Variants in MAGI1 observed in about 807,000 individuals in gnomAD.
MAGI1 encodes the protein membrane-associated guanylate kinase, WW and PDZ domain-containing protein 1.
MAGI1 carries 58 observed loss-of-function variants against 139.9 expected under a neutral mutation model. That is an observed-to-expected ratio of 0.41 (90% confidence interval 0.34 to 0.52). MAGI1 has a LOEUF of 0.52. Ranked by LOEUF, MAGI1 falls within the 20% of genes least tolerant of loss-of-function variation. MAGI1 has a pLI of 0.12. For synonymous variants in MAGI1, 812 were observed against 737.9 expected (o/e 1.10, Z -1.63); for missense variants, 1,874 against 1,901.6 (o/e 0.99, Z 0.27).
At chr3:66,020,957 AG>A (rs372667183) in intron 1 of MAGI1, among the ~76,000 whole-genome samples, 49 of 152,310 alleles carry the variant, frequency 3.2e-4, no homozygotes, top group Middle Eastern at 6.8e-3. Flanking sequence ...CCGATTAAAA[AG>A]AAAAAGGCCA....
At chr3:65,372,303 T>G (rs943505664) in intron 18 of MAGI1, among the ~76,000 whole-genome samples, 2 of 152,204 alleles carry the variant, frequency 1.3e-5, no homozygotes, top group African/African-American at 4.8e-5. Context: ...CCAGGTGTAT[T>G]GTCCATGAGC....
chr3:65,572,298 G>T (rs2080995650), intron 2 of MAGI1, among the ~76,000 whole-genome samples: 1 of 152,194 alleles, frequency 6.6e-6, no homozygotes, highest in Non-Finnish European at 1.5e-5. Context: ...AAGGTCAAAT[G>T]ACCTTAAATG....
intron 1 of MAGI1, among the ~76,000 whole-genome samples, chr3:65,785,943 T>G (rs2039343035): frequency 6.6e-6 from 1 of 151,958 alleles, no homozygotes; most frequent in African/African-American, 2.4e-5. Context: ...TAACTTTTTT[T>G]TTTTTTTTCT....
chr3:65,771,452 A>T (rs1381080791), intron 1 of MAGI1, among the ~76,000 whole-genome samples: 1 of 152,200 alleles, frequency 6.6e-6, no homozygotes, highest in African/African-American at 2.4e-5. Context: ...CTCTTTACAG[A>T]ACACAGGGAA....
At chr3:65,670,924 T>C (rs1374741160) in intron 1 of MAGI1, among the ~76,000 whole-genome samples, 1 of 152,232 alleles carries the variant, frequency 6.6e-6, no homozygotes, top group Non-Finnish European at 1.5e-5. Context: ...AAGTGCTTTA[T>C]GTAACTTTCT....
In MAGI1 at chr3:65,361,953, G is replaced by A. The variant is rs1003971249; in HGVS notation, c.3496-616C>T. On this transcript the variant is annotated intron_variant, in intron 21 of 22. Transcript: ENST00000402939. ...TTCAGATGAGACCATAATCCTGACT[G>A]ATGTATTGAATGCAGCATTCACTTT... 2.0e-5 allele frequency among the ~76,000 whole-genome samples: 3 copies of A among 152,294 alleles called. No homozygotes were observed. The East Asian group carries it at 5.8e-4, about 29-fold the overall frequency.
intron 1 of MAGI1, among the ~76,000 whole-genome samples, chr3:65,636,183 C>G (rs1020373744): frequency 1.3e-5 from 2 of 152,170 alleles, no homozygotes; most frequent in East Asian, 1.9e-4. Context: ...GTGTACAAAA[C>G]AAGTTCTAGA....
chr3:66,035,691 T>C (rs2068876520), intron 1 of MAGI1, among the ~76,000 whole-genome samples: 1 of 152,088 alleles, frequency 6.6e-6, no homozygotes, highest in African/African-American at 2.4e-5. Flanking sequence ...CGTACATCCA[T>C]CCATACATAC....
At chr3:66,036,642 G>A (rs1039242028) in intron 1 of MAGI1, among the ~76,000 whole-genome samples, 1 of 152,120 alleles carries the variant, frequency 6.6e-6, no homozygotes, top group African/African-American at 2.4e-5. Context: ...CAGGCGAGTC[G>A]GCCGCCCCCT....
At chr3:65,760,504 G>A (rs995304384) in intron 1 of MAGI1, among the ~76,000 whole-genome samples, 2 of 151,778 alleles carry the variant, frequency 1.3e-5, no homozygotes, top group Admixed American at 1.3e-4. Flanking sequence ...CAGGAACACA[G>A]GAATATAGAA....
chr3:65,430,221 TA>T (rs1414933048), intron 11 of MAGI1, 81 bp from the exon 12 acceptor site: 15 of 1,426,506 alleles, frequency 1.1e-5, no homozygotes, highest in African/African-American at 2.8e-5. Context: ...CCCACTAACA[TA>T]AAGCTGAACT....
At chr3:65,992,779 A>T (rs2066247953) in intron 1 of MAGI1, among the ~76,000 whole-genome samples, 1 of 152,190 alleles carries the variant, frequency 6.6e-6, no homozygotes, top group African/African-American at 2.4e-5. Flanking sequence ...ACTTTATCAG[A>T]AATTCCTTTC....
At chr3:65,515,939 A>C (rs759009166) in intron 2 of MAGI1, among the ~76,000 whole-genome samples, 8 of 152,240 alleles carry the variant, frequency 5.3e-5, no homozygotes, top group Non-Finnish European at 8.8e-5. Flanking sequence ...GGCAGTACTG[A>C]CTGATGCACA....
rs374385931 is a variant in MAGI1, at chr3:65,790,830, T to C, written c.314-168742A>G. ...TGACTCATGCCTGTAATCCCAGCAC[T>C]TTGGGAGGCCAAGGCAGGCAGATCA... On this transcript the variant is annotated intron_variant, in intron 1 of 22. Transcript: ENST00000402939. Among the ~76,000 whole-genome samples the C allele has an allele frequency of 7.2e-5, 11 of 152,252 alleles. No homozygotes were observed. In the East Asian group the frequency reaches 9.7e-4, roughly 13 times the overall value.
At chr3:65,438,104 C>G (rs1221969815) in intron 9 of MAGI1, among the ~76,000 whole-genome samples, 1 of 152,078 alleles carries the variant, frequency 6.6e-6, no homozygotes. Flanking sequence ...CTACTCACAA[C>G]AGCAAAGATA....
At chr3:65,566,962 G>C (rs1263981701) in intron 2 of MAGI1, among the ~76,000 whole-genome samples, 1 of 152,072 alleles carries the variant, frequency 6.6e-6, no homozygotes, top group Non-Finnish European at 1.5e-5. Flanking sequence ...ACATTGTTTG[G>C]AGATCATGAT....
rs77589736 is a variant in MAGI1, at chr3:65,630,469, T to C, written c.314-8381A>G. 5.1e-4 allele frequency among the ~76,000 whole-genome samples: 78 copies of C among 152,104 alleles called. 1 individual carries two copies. The East Asian group carries it at 0.011, about 22-fold the overall frequency. The stretch of plus-strand genomic sequence containing the variant: ...AGACAGAGGGTGGCTCAGGTTGAGG[T>C]TAAAAAGAGAAGCACTAGTGGATAA... On this transcript the variant is annotated intron_variant, in intron 1 of 22. Coordinates refer to ENST00000402939, the MANE Select transcript of MAGI1 (RefSeq NM_001033057.2).
chr3:65,441,768 T>A (rs1281970281), intron 8 of MAGI1, among the ~76,000 whole-genome samples: 1 of 152,186 alleles, frequency 6.6e-6, no homozygotes, highest in Non-Finnish European at 1.5e-5. Flanking sequence ...ATCCCTCTTG[T>A]TAGGCAAAGT....
intron 1 of MAGI1, among the ~76,000 whole-genome samples, chr3:65,708,631 G>GT (rs1012976731): frequency 2.0e-5 from 3 of 151,920 alleles, no homozygotes; most frequent in African/African-American, 7.3e-5. Flanking sequence ...GGATGAAAAA[G>GT]TGAGAAAAAA....
Sources: allele counts gnomAD v4.1 joint callset (sites outside exome capture counted in the v4.1 genomes callset), GRCh38; gene constraint gnomAD v4.1.1; transcripts MANE v1.5; gene names NCBI Gene and HGNC (gene_info 2026-07-23, HGNC 2026-07-21).